Variants in IPP observed in about 807,000 individuals in gnomAD.
IPP encodes the protein intracisternal A particle-promoted polypeptide, also known as actin-binding protein IPP.
Under a neutral mutation model 64.1 loss-of-function variants are expected in IPP, and 41 were observed. The ratio of observed to expected loss-of-function variants is 0.64; its 90% CI spans 0.50 to 0.83. The LOEUF (loss-of-function observed/expected upper bound fraction) is 0.83, where lower values mean the gene tolerates loss of function less well. Among genes scored for constraint, IPP ranks in the 40% least tolerant of loss-of-function variants. The probability of loss-of-function intolerance (pLI) is 0.00; values close to 1 mark genes in which losing one functional copy is unlikely to be tolerated. For missense variants in IPP, 649 were observed against 703.0 expected (o/e 0.92, Z 0.87); for synonymous variants, 214 against 235.2 (o/e 0.91, Z 0.83).
intron 3 of IPP, among the ~76,000 whole-genome samples, chr1:45,739,016 T>C (rs947094788): frequency 6.6e-6 from 1 of 152,094 alleles, no homozygotes; most frequent in Non-Finnish European, 1.5e-5. Flanking sequence ...TTATACAACA[T>C]AGCTACTGCA....
chr1:45,707,745 CAT>C (rs987581920), intron 8 of IPP, among the ~76,000 whole-genome samples: 1 of 150,946 alleles, frequency 6.6e-6, no homozygotes, highest in Non-Finnish European at 1.5e-5. Flanking sequence ...GGTGGTCTTA[CAT>C]ATATATATAT....
rs562989255 is a variant in IPP, at chr1:45,744,115, C to T, written c.292+2005G>A. ...ACATATTTTTCCATACACAGACATA[C>T]ATTGTATTAACACTGTAGTGTCTTT... is the stretch of plus-strand genomic sequence containing the variant. On this transcript the variant is annotated intron_variant, in intron 2 of 8. Transcript: ENST00000396478. 2.0e-5 allele frequency among the ~76,000 whole-genome samples: 3 copies of T among 151,772 alleles called. No individual in the cohort carries two copies. The East Asian group carries it at 5.8e-4, about 29-fold the overall frequency.
intron 5 of IPP, among the ~76,000 whole-genome samples, chr1:45,724,777 G>A (rs561468092): frequency 3.3e-5 from 5 of 150,930 alleles, no homozygotes; most frequent in South Asian, 2.1e-4. Context: ...GAGCCCCTCC[G>A]CCCGGCAGCC....
Position 45,699,589 on chromosome 1 carries a change from G to A in IPP, c.*377C>T. ...TATTATTAGTAAACCTGGCAAATCT[G>A]TGTGAGCTCTTTATTAATTGGGATA... On this transcript the variant is annotated 3_prime_UTR_variant, in exon 9 of 9. Coordinates refer to ENST00000396478, the MANE Select transcript of IPP (RefSeq NM_005897.3). 4 of 993,736 alleles carry A rather than the reference G, an allele frequency of 4.0e-6. No individual in the cohort carries two copies. Among genetic ancestry groups the A allele is most frequent in the Non-Finnish European group, 3.6e-6 (3 of 833,934 alleles). 61.6% of individuals were successfully genotyped at this position (993,736 alleles called of 1,614,324 possible).
intron 8 of IPP, among the ~76,000 whole-genome samples, chr1:45,706,401 G>C (rs913850765): frequency 6.6e-6 from 1 of 152,072 alleles, no homozygotes; most frequent in African/African-American, 2.4e-5. Context: ...GGGAGTTTGC[G>C]TCTAGCCTGG....
chr1:45,723,451 T>C (rs1302570182), intron 5 of IPP, among the ~76,000 whole-genome samples: 4 of 152,184 alleles, frequency 2.6e-5, no homozygotes, highest in African/African-American at 9.7e-5. Context: ...ATGGAATACA[T>C]ACATATGCAA....
chr1:45,732,127 T>C (rs1209397391), intron 3 of IPP, among the ~76,000 whole-genome samples: 3 of 151,856 alleles, frequency 2.0e-5, no homozygotes, highest in Non-Finnish European at 2.9e-5. Flanking sequence ...TGGGAAGCTA[T>C]GGCGGGTGGA....
chr1:45,742,334 T>A (rs1365787542), intron 2 of IPP, among the ~76,000 whole-genome samples: 1 of 151,736 alleles, frequency 6.6e-6, no homozygotes, highest in Non-Finnish European at 1.5e-5. Context: ...AATTTACCCA[T>A]GGAACAAACC....
intron 8 of IPP, among the ~76,000 whole-genome samples, chr1:45,709,258 C>T (rs758611011): frequency 2.7e-5 from 4 of 148,638 alleles, no homozygotes; most frequent in Admixed American, 2.0e-4. Context: ...AGAGTGAAAC[C>T]CCGTCTCTAC....
chr1:45,703,022 T>C (rs530531472), intron 8 of IPP, among the ~76,000 whole-genome samples: 1 of 152,180 alleles, frequency 6.6e-6, no homozygotes, highest in African/African-American at 2.4e-5. Flanking sequence ...GCTAGGGTAA[T>C]GAGGGGAAAA....
chr1:45,716,330 T>C (rs1031928230), intron 7 of IPP, among the ~76,000 whole-genome samples: 1 of 152,200 alleles, frequency 6.6e-6, no homozygotes, highest in Non-Finnish European at 1.5e-5. Context: ...CTGCAACCTC[T>C]GCCTCCTGGG....
chr1:45,699,706 A>G lies in IPP; in HGVS notation c.*260T>C. 1.8e-6 allele frequency: 2 copies of G among 1,136,700 alleles called. No individual in the cohort carries two copies. The highest frequency in any genetic ancestry group is 2.2e-6 in the Non-Finnish European group (2 of 893,948). The allele number at this position is 1,136,700 out of a possible 1,614,324, so 70.4% of individuals were successfully genotyped here. A position where few individuals can be genotyped will look rare whatever the true frequency, so the allele number is the denominator to read the frequency against. On this transcript the variant is annotated 3_prime_UTR_variant, in exon 9 of 9. Coordinates refer to ENST00000396478, the MANE Select transcript of IPP (RefSeq NM_005897.3). ...GAGACAGGATCTCATTCTGTTGCCCAGAGTGGAGTGCAGTGGCATGATCGT... is the reference window on the plus strand; with the variant it reads ...GAGACAGGATCTCATTCTGTTGCCCGGAGTGGAGTGCAGTGGCATGATCGT...
At chr1:45,734,676 G>C (rs1645953318) in intron 3 of IPP, among the ~76,000 whole-genome samples, 1 of 152,192 alleles carries the variant, frequency 6.6e-6, no homozygotes, top group Non-Finnish European at 1.5e-5. Context: ...CTGGAGCGCA[G>C]TGGTGAGATC....
chr1:45,748,969 CA>C (rs531462356), intron 1 of IPP, among the ~76,000 whole-genome samples: 64 of 97,404 alleles, frequency 6.6e-4, no homozygotes, highest in South Asian at 6.4e-4. Flanking sequence ...GACTCCGTCT[CA>C]AAAAAAAAAA....
chr1:45,738,546 A>G (rs1274016978), intron 3 of IPP, among the ~76,000 whole-genome samples: 2 of 152,128 alleles, frequency 1.3e-5, no homozygotes, highest in Non-Finnish European at 2.9e-5. Context: ...GGTTTTAGAC[A>G]AAAACCTATA....
chr1:45,725,740 AC>A (rs1645815844), intron 5 of IPP, among the ~76,000 whole-genome samples: 1 of 139,626 alleles, frequency 7.2e-6, no homozygotes, highest in African/African-American at 2.6e-5. Context: ...TTTGTTCTGT[AC>A]TAAGAAAAAT....
rs1397914855 is a variant in IPP at position 45,739,974 on chromosome 1, CCG to C, written c.724+925_724+926del. Among the ~76,000 whole-genome samples, 9 of 152,186 alleles carry C rather than the reference CCG, an allele frequency of 5.9e-5. No homozygotes were observed. In the South Asian group the frequency reaches 1.9e-3, roughly 32 times the overall value. ...TCTAGGCAGAGGACCCTGCGGCCTTCCGCAGTGTTTGTGTCCCTGGGTACTTG... is the reference window on the plus strand; with the variant it reads ...TCTAGGCAGAGGACCCTGCGGCCTTCCAGTGTTTGTGTCCCTGGGTACTTG... On this transcript the variant is annotated intron_variant, in intron 3 of 8. Coordinates refer to ENST00000396478, the MANE Select transcript of IPP (RefSeq NM_005897.3).
At chr1:45,721,025 G>C (rs1645723730) in intron 5 of IPP, among the ~76,000 whole-genome samples, 1 of 152,084 alleles carries the variant, frequency 6.6e-6, no homozygotes, top group Admixed American at 6.6e-5. Context: ...GTTCATCAAA[G>C]GATACCATAA....
chr1:45,747,105 T>TGCGCGCGCACACGAGC (rs1053647353), intron 1 of IPP, among the ~76,000 whole-genome samples: 3 of 148,818 alleles, frequency 2.0e-5, no homozygotes, highest in Non-Finnish European at 4.5e-5. Context: ...AGTGCGCGCA[T>TGCGCGCGCACACGAGC]GCGCGCGCAC....
Sources: gnomAD v4.1 joint callset for allele counts (sites outside exome capture counted in the v4.1 genomes callset) on GRCh38, gnomAD v4.1.1 for gene constraint, MANE v1.5 for transcripts, NCBI Gene and HGNC (gene_info 2026-07-23, HGNC 2026-07-21) for gene names.